NCK2: variants seen among roughly 807,000 people sequenced by gnomAD.
The protein encoded by NCK2 is cytoplasmic protein NCK2.
Under a neutral mutation model 33.9 loss-of-function variants are expected in NCK2, and 16 were observed. The observed-to-expected ratio is 0.47, with a 90% CI of 0.32 to 0.72. NCK2 has a LOEUF of 0.72. NCK2 is among the 30% of genes least tolerant of loss of function. The probability of loss-of-function intolerance (pLI) is 0.03; values close to 1 mark genes in which losing one functional copy is unlikely to be tolerated. For missense variants in NCK2, 418 were observed against 537.3 expected (o/e 0.78, Z 2.19); for synonymous variants, 273 against 239.9 (o/e 1.14, Z -1.27).
intron 1 of NCK2, among the ~76,000 whole-genome samples, chr2:105,794,350 C>G (rs574698550): frequency 1.3e-5 from 2 of 152,266 alleles, no homozygotes; most frequent in African/African-American, 4.8e-5. Context: ...CCATGCCTGG[C>G]TGAATCCTTT....
chr2:105,779,222 G>T (rs1256524850), intron 1 of NCK2, among the ~76,000 whole-genome samples: 1 of 148,060 alleles, frequency 6.8e-6, no homozygotes, highest in South Asian at 2.1e-4. Flanking sequence ...CATGAGAATC[G>T]CTAGAAACTG....
At chr2:105,793,147 G>T (rs879893793) in intron 1 of NCK2, among the ~76,000 whole-genome samples, 24 of 152,156 alleles carry the variant, frequency 1.6e-4, no homozygotes, top group Non-Finnish European at 1.9e-4. Flanking sequence ...TGAGAGGTGG[G>T]AAGCCACAGA....
chr2:105,762,566 A>G (rs1689802548), intron 1 of NCK2, among the ~76,000 whole-genome samples: 1 of 152,164 alleles, frequency 6.6e-6, no homozygotes, highest in Non-Finnish European at 1.5e-5. Flanking sequence ...ATATCTGTGA[A>G]CTTTGGGGTG....
intron 1 of NCK2, among the ~76,000 whole-genome samples, chr2:105,747,110 T>C (rs1689313064): frequency 1.3e-5 from 2 of 152,202 alleles, no homozygotes; most frequent in Non-Finnish European, 1.5e-5. Context: ...CAGGTGGCTG[T>C]GCTCAGTTTT....
At chr2:105,883,772 C>G (rs907921524) in intron 4 of NCK2, among the ~76,000 whole-genome samples, 1 of 152,180 alleles carries the variant, frequency 6.6e-6, no homozygotes, top group Non-Finnish European at 1.5e-5. Flanking sequence ...CTAACTTTTT[C>G]TAAAGAACTA....
intron 2 of NCK2, among the ~76,000 whole-genome samples, chr2:105,820,477 C>T (rs961578357): frequency 6.6e-6 from 1 of 152,114 alleles, no homozygotes; most frequent in Non-Finnish European, 1.5e-5. Context: ...GCTTGAGTAA[C>T]GTCTCAGCCC....
chr2:105,827,109 C>T (rs1245497606), intron 2 of NCK2, among the ~76,000 whole-genome samples: 1 of 152,128 alleles, frequency 6.6e-6, no homozygotes, highest in African/African-American at 2.4e-5. Context: ...ACACCATTCT[C>T]CTGCCTCAGC....
At chr2:105,881,272 G>C (rs777433704) in intron 3 of NCK2, 56 bp from the exon 4 acceptor site, 2 of 1,528,636 alleles carry the variant, frequency 1.3e-6, no homozygotes, top group African/African-American at 1.4e-5. Flanking sequence ...GGTAGGCTAG[G>C]GAGTGTGGTG....
intron 1 of NCK2, among the ~76,000 whole-genome samples, chr2:105,796,680 C>T (rs1360929382): frequency 6.6e-6 from 1 of 152,110 alleles, no homozygotes; most frequent in South Asian, 2.1e-4. Context: ...CAGAAGCTCT[C>T]GGCATCATGT....
At chr2:105,777,142 G>A (rs929538664) in intron 1 of NCK2, among the ~76,000 whole-genome samples, 2 of 151,994 alleles carry the variant, frequency 1.3e-5, no homozygotes, top group African/African-American at 4.8e-5. Flanking sequence ...CTGAGCCCAC[G>A]GCCCTGCGGC....
chr2:105,865,509 C>G lies in NCK2; in HGVS notation c.226+10220C>G, dbSNP rs1364276820. ...TAGGCATCAATACTGGCGACTCCCA[C>G]CCACACGACTGTTGAGGTTATTTGC... On this transcript the variant is annotated intron_variant, in intron 3 of 4. Transcript: ENST00000233154. Among the ~76,000 whole-genome samples the G allele has an allele frequency of 3.9e-5, 6 of 152,314 alleles. No homozygotes were observed. The South Asian group carries it at 1.0e-3, about 26-fold the overall frequency.
intron 2 of NCK2, among the ~76,000 whole-genome samples, chr2:105,847,583 T>TG (rs1357048493): frequency 1.3e-5 from 2 of 151,906 alleles, no homozygotes; most frequent in Non-Finnish European, 2.9e-5. Context: ...CAATGGGAAG[T>TG]GGATGAGCTT....
At chr2:105,807,030 G>A (rs897055216) in intron 1 of NCK2, among the ~76,000 whole-genome samples, 1 of 152,114 alleles carries the variant, frequency 6.6e-6, no homozygotes, top group Admixed American at 6.5e-5. Context: ...GAGTCCTATT[G>A]TGACTTTTCA....
intron 3 of NCK2, among the ~76,000 whole-genome samples, chr2:105,878,468 C>T (rs184300941): frequency 2.8e-4 from 42 of 152,314 alleles, no homozygotes; most frequent in African/African-American, 7.0e-4. Flanking sequence ...AACACAGACA[C>T]ACTCAGAGGG....
At chr2:105,775,232 T>G (rs1690263394) in intron 1 of NCK2, among the ~76,000 whole-genome samples, 1 of 152,194 alleles carries the variant, frequency 6.6e-6, no homozygotes, top group African/African-American at 2.4e-5. Context: ...GCCTAATCAA[T>G]GAGAATTTGC....
intron 1 of NCK2, among the ~76,000 whole-genome samples, chr2:105,777,861 G>T (rs1690364021): frequency 6.6e-6 from 1 of 152,234 alleles, no homozygotes; most frequent in African/African-American, 2.4e-5. Context: ...TCGTATTGAA[G>T]AGAGGATCGG....
intron 1 of NCK2, among the ~76,000 whole-genome samples, chr2:105,813,706 A>C (rs1449889679): frequency 6.6e-6 from 1 of 152,242 alleles, no homozygotes; most frequent in African/African-American, 2.4e-5. Flanking sequence ...ACTGCAGCTA[A>C]GTGCTGCTGA....
intron 2 of NCK2, among the ~76,000 whole-genome samples, chr2:105,826,080 G>C (rs1675928949): frequency 6.6e-6 from 1 of 152,200 alleles, no homozygotes; most frequent in African/African-American, 2.4e-5. Flanking sequence ...GCGAGACTGG[G>C]TTATTTATAC....
intron 1 of NCK2, among the ~76,000 whole-genome samples, chr2:105,808,127 T>A (rs1311629153): frequency 6.6e-6 from 1 of 152,164 alleles, no homozygotes. Context: ...GGTCTTGATC[T>A]GACCTCATGA....
Sources: gnomAD v4.1 joint callset for allele counts (sites outside exome capture counted in the v4.1 genomes callset) on GRCh38, gnomAD v4.1.1 for gene constraint, MANE v1.5 for transcripts, NCBI Gene and HGNC (gene_info 2026-07-23, HGNC 2026-07-21) for gene names.